RANBP3: variants seen among roughly 807,000 people sequenced by gnomAD.
RANBP3 encodes ran-binding protein 3.
RANBP3 carries 14 observed loss-of-function variants against 77.3 expected under a neutral mutation model. That is an observed-to-expected ratio of 0.18 (90% CI 0.12 to 0.28). The LOEUF (loss-of-function observed/expected upper bound fraction) is 0.28, where lower values mean the gene tolerates loss of function less well. Ranked by LOEUF, RANBP3 falls within the 10% of genes least tolerant of loss-of-function variation. The pLI, the probability that RANBP3 is intolerant of heterozygous loss-of-function variation, is 1.00. For synonymous variants in RANBP3, 315 were observed against 312.4 expected, an observed-to-expected ratio of 1.01 and a Z score of -0.09; for missense variants, 586 against 752.3, an observed-to-expected ratio of 0.78 and a Z score of 2.59.
intron 1 of RANBP3, among the ~76,000 whole-genome samples, chr19:5,971,345 TTTA>T (rs1178276686): frequency 6.6e-6 from 1 of 152,160 alleles, no homozygotes; most frequent in Admixed American, 6.6e-5. Context: ...CTCTTTTTTT[TTTA>T]TTAAAGAGAG....
chr19:5,959,199 T>C lies in RANBP3; in HGVS notation c.23-1226A>G, dbSNP rs962852358. Among the ~76,000 whole-genome samples, 1 of 152,202 alleles carries C rather than the reference T, an allele frequency of 6.6e-6. No individual in the cohort carries two copies. The highest frequency in any genetic ancestry group is 1.5e-5 in the Non-Finnish European group (1 of 68,006). ...AGGGGCAGGCGGTGGGCATGCTGAC[T>C]TGCTGGGGAAATGTCATAAAAGGCA... On this transcript the variant is annotated intron_variant, in intron 1 of 16. Coordinates refer to ENST00000340578, the MANE Select transcript of RANBP3 (RefSeq NM_007322.3). The surrounding 1 kb of genome is among the most constrained non-coding windows in gnomAD (Gnocchi z 5.1).
chr19:5,957,825 T>C (rs2058353363), intron 2 of RANBP3, 93 bp downstream of exon 2: 9 of 1,349,170 alleles, frequency 6.7e-6, no homozygotes, highest in South Asian at 1.2e-5. Context: ...TGGGCAGAAG[T>C]GGCCTTGGCA....
chr19:5,970,864 C>T (rs2058522110), intron 1 of RANBP3, among the ~76,000 whole-genome samples: 1 of 152,170 alleles, frequency 6.6e-6, no homozygotes, highest in Admixed American at 6.5e-5. Flanking sequence ...AGACAACTTG[C>T]CCATGTTTCT....
intron 7 of RANBP3, 139 bp downstream of exon 7, chr19:5,932,313 A>T: frequency 1.4e-6 from 1 of 702,724 alleles, no homozygotes; most frequent in Non-Finnish European, 2.4e-6. Flanking sequence ...GGTGATTTAA[A>T]GGATCATCTT....
chr19:5,947,790 C>A (rs754615769), intron 3 of RANBP3, among the ~76,000 whole-genome samples: 16 of 152,166 alleles, frequency 1.1e-4, no homozygotes, highest in Non-Finnish European at 1.8e-4. Context: ...CACCGGCAGC[C>A]ATAGGGAGCT....
chr19:5,925,863 G>A lies in RANBP3; in HGVS notation c.814-126C>T, dbSNP rs1227306078. ...GAGCCATGAACCCTCTCCTGTACCCGCCTGTGTGTGTGCGCGTGCATGTGC... is the reference window on the plus strand; with the variant it reads ...GAGCCATGAACCCTCTCCTGTACCCACCTGTGTGTGTGCGCGTGCATGTGC... On this transcript the variant is annotated intron_variant, in intron 9 of 16. Transcript: ENST00000340578. 7.2e-5 allele frequency: 52 copies of A among 725,424 alleles called. 1 individual carries two copies. Among genetic ancestry groups the A allele is most frequent in the South Asian group, 6.5e-4 (43 of 65,868 alleles). The allele number at this position is 725,424 out of a possible 1,614,324, so 44.9% of individuals were successfully genotyped here.
chr19:5,933,125 T>G, intron 6 of RANBP3: 1 of 412,228 alleles, frequency 2.4e-6, no homozygotes, highest in Non-Finnish European at 4.4e-6. Flanking sequence ...ACAGACAGGC[T>G]GAACCAAGTG....
At chr19:5,945,899 C>T (rs1409595953) in intron 3 of RANBP3, among the ~76,000 whole-genome samples, 2 of 152,182 alleles carry the variant, frequency 1.3e-5, no homozygotes, top group African/African-American at 4.8e-5. Flanking sequence ...TCATCCTCCC[C>T]TTCACCCACC....
intron 5 of RANBP3, among the ~76,000 whole-genome samples, chr19:5,940,867 T>C (rs148405183): frequency 4.6e-5 from 7 of 152,254 alleles, no homozygotes; most frequent in African/African-American, 1.7e-4. Context: ...ATCTGCAGAG[T>C]TGTGCCCATG....
intron 3 of RANBP3, among the ~76,000 whole-genome samples, chr19:5,947,343 G>T (rs1199628948): frequency 6.6e-6 from 1 of 150,752 alleles, no homozygotes; most frequent in Non-Finnish European, 1.5e-5. Context: ...GAAAAGAAAA[G>T]AAAAAAGAAA....
At chr19:5,976,717 C>T (rs898922733) in intron 1 of RANBP3, 6 of 152,318 alleles carry the variant, frequency 3.9e-5, no homozygotes, top group African/African-American at 1.4e-4. Flanking sequence ...GCACTCCAGC[C>T]TGGCTACAGA....
Position 5,951,486 on chromosome 19 carries a change from T to C in RANBP3, c.189A>G (p.Leu63=), listed in dbSNP as rs772507062. 6.2e-7 allele frequency: 1 copy of C among 1,610,854 alleles called. No homozygotes were observed. Among genetic ancestry groups the C allele is most frequent in the Middle Eastern group, 1.7e-4 (1 of 6,034 alleles). Residue 63 remains leucine, a synonymous_variant, in exon 3 of 17, where the codon CTA becomes CTG. Transcript: ENST00000340578. ...GHPESAGEHA[L]EPPAPAGASA... ...AGGCGCCAGCAGGGGCAGGAGGTTC[T>C]AGGGCATGCTCGCCAGCTGACTCGG...
chr19:5,967,362 T>A (rs2058479907), intron 1 of RANBP3, among the ~76,000 whole-genome samples: 1 of 152,240 alleles, frequency 6.6e-6, no homozygotes, highest in South Asian at 2.1e-4. Flanking sequence ...TACCTTCAAC[T>A]ACCGAACTCC....
At chr19:5,970,738 T>C (rs2058520532) in intron 1 of RANBP3, among the ~76,000 whole-genome samples, 1 of 152,218 alleles carries the variant, frequency 6.6e-6, no homozygotes, top group Admixed American at 6.5e-5. Context: ...TAGAAGTAAC[T>C]GACATGTATC....
Position 5,925,642 on chromosome 19 carries a change from G to C in RANBP3, c.909C>G (p.Ile303Met). The C allele has an allele frequency of 6.2e-7, 1 of 1,613,980 alleles. No homozygotes were observed. ...GACACCGAGACACACACCTGGAACT[G>C]ATATACTGGAGGAAATAGTTCGTTG... is the stretch of plus-strand genomic sequence containing the variant. ...PTATNYFLQY[I>M]SSSLENSTNS... The change falls in exon 10 of 17, where the codon ATC becomes ATG. Residue 303 changes from isoleucine to methionine, a missense_variant. By Grantham distance (10) the Ile-to-Met change is conservative. Transcript: ENST00000340578.
chr19:5,946,800 A>C (rs2145163899), intron 3 of RANBP3, among the ~76,000 whole-genome samples: 1 of 152,274 alleles, frequency 6.6e-6, no homozygotes, highest in South Asian at 2.1e-4. Flanking sequence ...GGAACCTTTA[A>C]GCCACCCAGC....
chr19:5,932,362 C>A (rs772252140), intron 7 of RANBP3, 90 bp downstream of exon 7: 27 of 970,718 alleles, frequency 2.8e-5, no homozygotes, highest in Non-Finnish European at 4.4e-5. Context: ...TCAGCAGTCA[C>A]CTCTGTCGCA....
intron 1 of RANBP3, among the ~76,000 whole-genome samples, chr19:5,974,648 T>G (rs891966025): frequency 2.0e-5 from 3 of 152,048 alleles, no homozygotes; most frequent in African/African-American, 4.8e-5. Context: ...GCCAACAAGA[T>G]GCTTTACACA....
intron 2 of RANBP3, among the ~76,000 whole-genome samples, chr19:5,953,631 T>C (rs192700801): frequency 6.6e-6 from 1 of 152,190 alleles, no homozygotes; most frequent in African/African-American, 2.4e-5. Context: ...TTACAAAGAA[T>C]GGAACAGCCT....
Sources: allele counts gnomAD v4.1 joint callset (sites outside exome capture counted in the v4.1 genomes callset), GRCh38; gene constraint gnomAD v4.1.1; non-coding constraint Gnocchi (gnomAD v3.1); transcripts MANE v1.5; gene names NCBI Gene and HGNC (gene_info 2026-07-23, HGNC 2026-07-21).